Variants in DIS3 observed in about 807,000 individuals in gnomAD.
DIS3 encodes the protein DIS3 exosome endoribonuclease and 3'-5' exoribonuclease, also known as exosome complex exonuclease RRP44.
DIS3 carries 103 observed loss-of-function variants against 113.0 expected under a neutral mutation model. The observed-to-expected ratio is 0.91, with a 90% CI of 0.78 to 1.07. The LOEUF is 1.07. DIS3 is among the 50% of genes least tolerant of loss of function. The pLI, the probability that DIS3 is intolerant of heterozygous loss-of-function variation, is 0.00. For synonymous variants in DIS3, 402 were observed against 394.3 expected, an observed-to-expected ratio of 1.02 and a Z score of -0.23; for missense variants, 1,121 against 1,167.1, an observed-to-expected ratio of 0.96 and a Z score of 0.58.
At chr13:72,763,910 A>T (rs2033689118) in intron 15 of DIS3, among the ~76,000 whole-genome samples, 2 of 152,132 alleles carry the variant, frequency 1.3e-5, no homozygotes. Flanking sequence ...GCACTTTGGG[A>T]GGCCGAGGCA....
At chr13:72,778,602 G>C (rs2034078272) in intron 2 of DIS3, among the ~76,000 whole-genome samples, 1 of 152,064 alleles carries the variant, frequency 6.6e-6, no homozygotes, top group Non-Finnish European at 1.5e-5. Flanking sequence ...ATGTTATTAA[G>C]GGGACAAGAA....
intron 15 of DIS3, among the ~76,000 whole-genome samples, chr13:72,764,593 T>C (rs989319771): frequency 6.6e-6 from 1 of 152,198 alleles, no homozygotes; most frequent in African/African-American, 2.4e-5. Context: ...ACTGCTGTGA[T>C]TCTCTATATA....
Position 72,753,803 on chromosome 13 carries a change from T to C in DIS3, c.*5992A>G. On this transcript the variant is annotated 3_prime_UTR_variant, in exon 21 of 21. Transcript: ENST00000377767. ...AAACATGTGAAGTTGAGAGTAAATC[T>C]CAAGCATTTAATATGAAGGTACGGA... 1.2e-6 allele frequency: 2 copies of C among 1,612,950 alleles called. No homozygotes were observed. Among genetic ancestry groups the C allele is most frequent in the South Asian group, 1.1e-5 (1 of 90,962 alleles).
In DIS3 at chr13:72,759,900, G is replaced by T. The variant is rs760621284; in HGVS notation, c.2794-22C>A. On this transcript the variant is annotated intron_variant, in intron 20 of 20. Transcript: ENST00000377767. The stretch of plus-strand genomic sequence containing the variant: ...GTATCTAAAGTAATGCAAATGGGGG[G>T]AAATAAGGTGATTTAAAGGATAGAA... The T allele has an allele frequency of 1.8e-5, 29 of 1,568,364 alleles. 1 individual carries two copies. The African/African-American group carries it at 3.9e-4, about 21-fold the overall frequency.
intron 16 of DIS3, among the ~76,000 whole-genome samples, chr13:72,762,499 C>G (rs2033650784): frequency 6.6e-6 from 1 of 152,200 alleles, no homozygotes; most frequent in Non-Finnish European, 1.5e-5. Context: ...TCTGGAGAAG[C>G]TGGGCATGCA....
At chr13:72,778,540 A>G (rs140532567) in intron 2 of DIS3, among the ~76,000 whole-genome samples, 160 bp from the exon 3 acceptor site, 43 of 152,354 alleles carry the variant, frequency 2.8e-4, no homozygotes, top group African/African-American at 1.0e-3. Context: ...AGAAATCAAG[A>G]TTCTTATAAT....
At chr13:72,764,907 T>C (rs931954881) in intron 15 of DIS3, among the ~76,000 whole-genome samples, 1 of 152,120 alleles carries the variant, frequency 6.6e-6, no homozygotes, top group Non-Finnish European at 1.5e-5. Context: ...ACTGGGCTCA[T>C]TATTAGCATT....
At chr13:72,780,456 T>C (rs945825933) in intron 2 of DIS3, among the ~76,000 whole-genome samples, 1 of 150,518 alleles carries the variant, frequency 6.6e-6, no homozygotes, top group Non-Finnish European at 1.5e-5. Flanking sequence ...TTAAACAAAA[T>C]AGAAACTTCA....
In DIS3 at chr13:72,781,809, T is replaced by C. The variant is rs1309825882; in HGVS notation, c.24A>G (p.Leu8=). 1.2e-6 allele frequency: 2 copies of C among 1,602,672 alleles called. No individual in the cohort carries two copies. Among genetic ancestry groups the C allele is most frequent in the East Asian group, 2.3e-5 (1 of 44,428 alleles). Residue 8 remains leucine (L), a synonymous_variant, in exon 1 of 21, where the codon TTA becomes TTG. Coordinates refer to ENST00000377767, the MANE Select transcript of DIS3 (RefSeq NM_014953.5). ...TCACGCCGCCCGCCCGGGTCTTTTT[T>C]AAGAACGTCTTGGACTTGAGCATCT... MLKSKTF[L]KKTRAGGVMK...
intron 3 of DIS3, 46 bp from the exon 4 acceptor site, chr13:72,777,539 A>T: frequency 6.5e-7 from 1 of 1,546,970 alleles, no homozygotes; most frequent in Non-Finnish European, 8.9e-7. Flanking sequence ...TTTTTTCCTT[A>T]GATATGAAAA....
rs2034001762 is a variant in DIS3, at chr13:72,775,838, A to G, written c.822+87T>C. The G allele has an allele frequency of 5.1e-6, 6 of 1,177,584 alleles. No individual in the cohort carries two copies. The South Asian group carries it at 1.0e-4, about 20-fold the overall frequency. 72.9% of individuals were successfully genotyped at this position (1,177,584 alleles called of 1,614,324 possible). A position where few individuals can be genotyped will look rare whatever the true frequency, so the allele number is the denominator to read the frequency against. ...TAAAGTATGTGAAGCCTCATATGTT[A>G]CACAAATAGTATTTACCATTAAGTG... On this transcript the variant is annotated intron_variant, in intron 5 of 20. Transcript: ENST00000377767.
At chr13:72,764,602 T>C (rs1018161401) in intron 15 of DIS3, among the ~76,000 whole-genome samples, 3 of 152,234 alleles carry the variant, frequency 2.0e-5, no homozygotes, top group Non-Finnish European at 2.9e-5. Context: ...ATTCTCTATA[T>C]AGTTATTCAC....
rs1044107177 is a variant in DIS3, at chr13:72,772,066, G to C, written c.1503+93C>G. On this transcript the variant is annotated intron_variant, in intron 10 of 20. Coordinates refer to ENST00000377767, the MANE Select transcript of DIS3 (RefSeq NM_014953.5). ...GTGCAGCTACAATTATACTTCACAAGAGTAATTAACAAGCAAATTCTATTC... is the reference window on the plus strand; with the variant it reads ...GTGCAGCTACAATTATACTTCACAACAGTAATTAACAAGCAAATTCTATTC... 1.5e-4 allele frequency: 187 copies of C among 1,263,204 alleles called. 2 individuals are homozygous for C. The Admixed American group carries it at 3.7e-3, about 25-fold the overall frequency. The allele number at this position is 1,263,204 out of a possible 1,614,324, so 78.2% of individuals were successfully genotyped here.
In DIS3 at chr13:72,772,183, T is replaced by C; in HGVS notation, c.1479A>G (p.Arg493=). 2 of 1,613,308 alleles carry C rather than the reference T, an allele frequency of 1.2e-6. No individual in the cohort carries two copies. Among genetic ancestry groups the C allele is most frequent in the Non-Finnish European group, 1.7e-6 (2 of 1,179,806 alleles). ...CTDIDDALHC[R]ELENGNLEVG... is the part of the protein sequence containing the mutation. ...CCTCCAAATTTCCATTTTCGAGTTC[T>C]CGACAATGTAGAGCATCGTCTATAT... The change falls in exon 10 of 21, where the codon CGA becomes CGG. Residue 493 remains arginine, a synonymous_variant. Coordinates refer to ENST00000377767, the MANE Select transcript of DIS3 (RefSeq NM_014953.5).
rs1198956062 is a variant in DIS3 at position 72,781,882 on chromosome 13, A to C, written c.-50T>G. 52 of 1,470,028 alleles carry C rather than the reference A, an allele frequency of 3.5e-5. No individual in the cohort carries two copies. The highest frequency in any genetic ancestry group is 4.7e-5 in the Non-Finnish European group (52 of 1,099,396). The allele number at this position is 1,470,028 out of a possible 1,614,324, so 91.1% of individuals were successfully genotyped here. A position where few individuals can be genotyped will look rare whatever the true frequency, so the allele number is the denominator to read the frequency against. ...ACCCCAGCAGCGCTCTTCCAGCAAA[A>C]GGCGTCAATCTAGAATACGCCTAAC... On this transcript the variant is annotated 5_prime_UTR_variant, in exon 1 of 21. Coordinates refer to ENST00000377767, the MANE Select transcript of DIS3 (RefSeq NM_014953.5).
At chr13:72,769,689 T>C (rs375816070) in intron 13 of DIS3, among the ~76,000 whole-genome samples, 13 of 152,210 alleles carry the variant, frequency 8.5e-5, no homozygotes, top group African/African-American at 3.1e-4. Context: ...AATTTTGTTA[T>C]ACTGACCAAG....
chr13:72,761,934 T>C lies in DIS3; in HGVS notation c.2331A>G (p.Ser777=). The C allele has an allele frequency of 6.2e-7, 1 of 1,613,964 alleles. No individual in the cohort carries two copies. Among genetic ancestry groups the C allele is most frequent in the Non-Finnish European group, 8.5e-7 (1 of 1,179,984 alleles). The change falls in exon 17 of 21, where the codon TCA becomes TCG. Residue 777 remains serine, a synonymous_variant. Coordinates refer to ENST00000377767, the MANE Select transcript of DIS3 (RefSeq NM_014953.5). ...TAAGGAAAAAATACCTTCTAATGGG[T>C]GAAGTAAAATGTGTGTATATTGGAG... ...LASPIYTHFT[S]PIRRYADVIV...
rs1356813483 is a variant in DIS3 at position 72,756,057 on chromosome 13, A to G, written c.*3738T>C. 1 of 397,194 alleles carries G rather than the reference A, an allele frequency of 2.5e-6. No individual in the cohort carries two copies. The highest frequency in any genetic ancestry group is 2.1e-5 in the African/African-American group (1 of 48,510). 24.6% of individuals were successfully genotyped at this position (397,194 alleles called of 1,614,324 possible). ...GTATGTTATATACAACTATTTTTTTAAAAAACTTATATCCATGTTGGGAGT... is the reference window on the plus strand; with the variant it reads ...GTATGTTATATACAACTATTTTTTTGAAAAACTTATATCCATGTTGGGAGT... On this transcript the variant is annotated 3_prime_UTR_variant, in exon 21 of 21. Transcript: ENST00000377767.
Position 72,775,244 on chromosome 13 carries a change from T to A in DIS3, c.954A>T (p.Glu318Asp), listed in dbSNP as rs2033981641. ...VVLHDEGQNE[E>D]DVEKEEETER... is the part of the protein sequence containing the mutation. Reference sequence around the variant, plus strand: ...CTGTCTCTTCTTCTTTCTCCACATCTTCTTCATTTTGACCTTCATCATGTA... The same window carrying A: ...CTGTCTCTTCTTCTTTCTCCACATCATCTTCATTTTGACCTTCATCATGTA... Residue 318 changes from glutamate (E) to aspartate (D), a missense_variant, in exon 6 of 21, where the codon GAA becomes GAT. By Grantham distance (45) the Glu-to-Asp change is conservative (BLOSUM62 2). This residue lies in a region of DIS3 where 861 missense variants were observed against 915.5 expected (regional missense o/e 0.94). Coordinates refer to ENST00000377767, the MANE Select transcript of DIS3 (RefSeq NM_014953.5). 6.2e-7 allele frequency: 1 copy of A among 1,613,520 alleles called. No individual in the cohort carries two copies. The highest frequency in any genetic ancestry group is 8.5e-7 in the Non-Finnish European group (1 of 1,179,674).
Sources: allele counts gnomAD v4.1 joint callset (sites outside exome capture counted in the v4.1 genomes callset), GRCh38; gene constraint gnomAD v4.1.1; regional missense constraint gnomAD v4.1.1; transcripts MANE v1.5; gene names NCBI Gene and HGNC (gene_info 2026-07-23, HGNC 2026-07-21).